The following CCDC158 variants were observed in gnomAD, a reference collection of about 807,000 sequenced individuals.
CCDC158 encodes coiled-coil domain containing 158.
CCDC158 carries 116 observed loss-of-function variants against 138.6 expected under a neutral mutation model. The ratio of observed to expected loss-of-function variants is 0.84; its 90% CI spans 0.72 to 0.98. The LOEUF is 0.98. CCDC158 is among the 50% of genes least tolerant of loss of function. CCDC158 has a pLI of 0.00. For synonymous variants in CCDC158, 436 were observed against 442.4 expected (o/e 0.99, Z 0.18); for missense variants, 1,265 against 1,306.1 (o/e 0.97, Z 0.48).
chr4:76,361,763 C>T (rs971121898), intron 13 of CCDC158, among the ~76,000 whole-genome samples: 3 of 151,542 alleles, frequency 2.0e-5, no homozygotes, highest in Non-Finnish European at 4.4e-5. Flanking sequence ...TATTTGACTC[C>T]AAGGACTCAA....
intron 10 of CCDC158, among the ~76,000 whole-genome samples, chr4:76,370,322 T>C (rs1560437725): frequency 6.6e-6 from 1 of 152,140 alleles, no homozygotes; most frequent in Non-Finnish European, 1.5e-5. Context: ...GAGTTAGACC[T>C]GAAGATGTAG....
At chr4:76,419,225 C>A (rs1274156506) in intron 1 of CCDC158, among the ~76,000 whole-genome samples, 1 of 152,168 alleles carries the variant, frequency 6.6e-6, no homozygotes, top group Non-Finnish European at 1.5e-5. Context: ...TCTTTTCTTA[C>A]CAAATTCCCT....
intron 4 of CCDC158, among the ~76,000 whole-genome samples, chr4:76,390,380 C>T (rs10033391): frequency 0.86 from 130,524 of 152,014 alleles, 56,320 homozygotes; most frequent in South Asian, 0.97. Flanking sequence ...ACAACAGATA[C>T]GCAGAAAATA....
In CCDC158 at chr4:76,382,724, T is replaced by C. The variant is rs772900023; in HGVS notation, c.804-4A>G. 1.1e-5 allele frequency: 17 copies of C among 1,567,440 alleles called. No homozygotes were observed. The highest frequency in any genetic ancestry group is 5.7e-5 in the South Asian group (5 of 88,100). On this transcript the variant is annotated splice_region_variant and splice_polypyrimidine_tract_variant and intron_variant, in intron 7 of 24. Transcript: ENST00000682701. ...TTCACTTATTAACTGCTCAATCCTA[T>C]AAAAAGAATGTGGTGATTGTCATTT... is the stretch of plus-strand genomic sequence containing the variant.
At chr4:76,382,356 G>A (rs1726341389) in intron 8 of CCDC158, among the ~76,000 whole-genome samples, 2 of 152,124 alleles carry the variant, frequency 1.3e-5, no homozygotes, top group African/African-American at 2.4e-5. Context: ...TTATAGCAGT[G>A]TAAGAATGGA....
At chr4:76,400,355 G>C (rs1238509164) in intron 3 of CCDC158, among the ~76,000 whole-genome samples, 1 of 142,204 alleles carries the variant, frequency 7.0e-6, no homozygotes, top group African/African-American at 2.6e-5. Flanking sequence ...ATTGAACAAC[G>C]AGAACACTTG....
chr4:76,379,454 A>T, intron 8 of CCDC158, 50 bp from the exon 9 acceptor site: 2 of 1,098,840 alleles, frequency 1.8e-6, no homozygotes, highest in Non-Finnish European at 2.7e-6. Context: ...ACTAAGAATA[A>T]GAGTAACACC....
At chr4:76,381,569 T>C (rs1726247817) in intron 8 of CCDC158, among the ~76,000 whole-genome samples, 1 of 152,236 alleles carries the variant, frequency 6.6e-6, no homozygotes, top group South Asian at 2.1e-4. Flanking sequence ...GTTTTTTATT[T>C]TACAGGCTTA....
At position 76,325,967 on chromosome 4, in the gene CCDC158, GGAGAA is replaced by G. The variant is rs751834593; in HGVS notation, c.3054_3058del (p.Ser1019Ter). 2.1e-5 allele frequency: 34 copies of G among 1,613,418 alleles called. No individual in the cohort carries two copies. Among genetic ancestry groups the G allele is most frequent in the Admixed American group, 3.3e-5 (2 of 59,966 alleles). ...GAGTGAGTGCACTGGAGACTTCTTA[GGAGAA>G]GAATTGAATGAACGAGAAGCTGAGT... On this transcript the variant is annotated frameshift_variant, in exon 23 of 25. Transcript: ENST00000682701. LOFTEE classifies it high-confidence loss of function.
At chr4:76,381,848 A>G (rs368111337) in intron 8 of CCDC158, among the ~76,000 whole-genome samples, 2 of 151,984 alleles carry the variant, frequency 1.3e-5, no homozygotes, top group African/African-American at 4.8e-5. Flanking sequence ...TGCCCAGCTA[A>G]TTTTTTGTAT....
At chr4:76,405,944 C>A (rs2109880192) in intron 2 of CCDC158, among the ~76,000 whole-genome samples, 1 of 151,922 alleles carries the variant, frequency 6.6e-6, no homozygotes. Flanking sequence ...AGTAATTACA[C>A]CCACAAGATA....
chr4:76,407,218 TCA>T (rs1315148511), intron 2 of CCDC158: 1 of 152,170 alleles, frequency 6.6e-6, no homozygotes, highest in Non-Finnish European at 1.5e-5. Flanking sequence ...TTTATTTCAC[TCA>T]CATTTTCTTC....
At chr4:76,330,089 C>T (rs1720886535) in intron 21 of CCDC158, among the ~76,000 whole-genome samples, 2 of 152,156 alleles carry the variant, frequency 1.3e-5, no homozygotes, top group South Asian at 2.1e-4. Context: ...CATGAAGAAA[C>T]TCTACTGCAG....
intron 14 of CCDC158, among the ~76,000 whole-genome samples, chr4:76,356,958 A>C (rs1275347075): frequency 1.3e-5 from 2 of 152,154 alleles, no homozygotes; most frequent in African/African-American, 4.8e-5. Flanking sequence ...ATTCCTTCCC[A>C]TTTTTATCAC....
chr4:76,337,088 A>T (rs1399800902), intron 18 of CCDC158, among the ~76,000 whole-genome samples: 1 of 151,944 alleles, frequency 6.6e-6, no homozygotes, highest in Non-Finnish European at 1.5e-5. Context: ...TCAATTGATC[A>T]TTCTGCCTCA....
chr4:76,375,542 C>A lies in CCDC158; in HGVS notation c.1029+3748G>T, dbSNP rs528574308. ...ATCATCACTTTTTTAATACAAAATTCAGCCCCAACTGCTTTCAAAGTAGTA... is the reference window on the plus strand; with the variant it reads ...ATCATCACTTTTTTAATACAAAATTAAGCCCCAACTGCTTTCAAAGTAGTA... On this transcript the variant is annotated intron_variant, in intron 9 of 24. Transcript: ENST00000682701. The A allele has an allele frequency of 1.9e-5, 13 of 702,094 alleles. No individual in the cohort carries two copies. The African/African-American group carries it at 2.3e-4, about 12-fold the overall frequency. The allele number at this position is 702,094 out of a possible 1,614,324, so 43.5% of individuals were successfully genotyped here. A position where few individuals can be genotyped will look rare whatever the true frequency, so the allele number is the denominator to read the frequency against.
chr4:76,379,498 T>G lies in CCDC158; in HGVS notation c.915-94A>C, dbSNP rs1166630714. On this transcript the variant is annotated intron_variant, in intron 8 of 24. Transcript: ENST00000682701. ...CTAGCTTTTTGACACTACCACTAGT[T>G]ATTTTATATGGCATTATTAAGCCAA... 14 of 594,618 alleles carry G rather than the reference T, an allele frequency of 2.4e-5. No individual in the cohort carries two copies. In the Admixed American group the frequency reaches 3.7e-4, roughly 16 times the overall value. 36.8% of individuals were successfully genotyped at this position (594,618 alleles called of 1,614,324 possible).
At position 76,421,064 on chromosome 4, in the gene CCDC158, C is replaced by T. The variant is rs1001651613; in HGVS notation, c.-216G>A. Among the ~76,000 whole-genome samples, 1 of 151,950 alleles carries T rather than the reference C, an allele frequency of 6.6e-6. No homozygotes were observed. The highest frequency in any genetic ancestry group is 1.5e-5 in the Non-Finnish European group (1 of 67,952). Reference sequence around the variant, plus strand: ...CGTCGACCTGGCGGCTGGGACGGGGCGGCTCCCCACTCTTCGCCCCTAGGC... The same window carrying T: ...CGTCGACCTGGCGGCTGGGACGGGGTGGCTCCCCACTCTTCGCCCCTAGGC... On this transcript the variant is annotated 5_prime_UTR_variant, in exon 1 of 25. Transcript: ENST00000682701.
chr4:76,331,807 GTACT>G (rs1721034997), intron 20 of CCDC158, among the ~76,000 whole-genome samples: 1 of 152,170 alleles, frequency 6.6e-6, no homozygotes, highest in Non-Finnish European at 1.5e-5. Context: ...TGAGGGACAT[GTACT>G]TAATGCAGTA....
Sources: gnomAD v4.1 joint callset for allele counts (sites outside exome capture counted in the v4.1 genomes callset) on GRCh38, gnomAD v4.1.1 for gene constraint, MANE v1.5 for transcripts, NCBI Gene and HGNC (gene_info 2026-07-23, HGNC 2026-07-21) for gene names.